The following STK3 variants were observed in gnomAD, a reference collection of about 807,000 sequenced individuals.
STK3 encodes the protein serine/threonine-protein kinase 3.
Under a neutral mutation model 58.0 loss-of-function variants are expected in STK3, and 41 were observed. The observed-to-expected ratio is 0.71, with a 90% CI of 0.55 to 0.92. The LOEUF (loss-of-function observed/expected upper bound fraction) is 0.92. Ranked by LOEUF, STK3 falls within the 40% of genes least tolerant of loss-of-function variation. The pLI is 0.00. For synonymous variants in STK3, 170 were observed against 191.0 expected (o/e 0.89, Z 0.91); for missense variants, 479 against 602.7 (o/e 0.79, Z 2.15).
At chr8:98,871,293 G>C (rs1050230834) in intron 3 of STK3, among the ~76,000 whole-genome samples, 2 of 152,148 alleles carry the variant, frequency 1.3e-5, no homozygotes, top group African/African-American at 4.8e-5. Context: ...CTCCAGCTTT[G>C]TTCTTTTTGC....
intron 4 of STK3, among the ~76,000 whole-genome samples, chr8:98,711,548 A>C (rs1826442065): frequency 6.6e-6 from 1 of 152,222 alleles, no homozygotes; most frequent in Admixed American, 6.5e-5. Flanking sequence ...TGGAAGATCA[A>C]ATGAATGAAA....
chr8:98,916,029 C>T (rs780451193), intron 1 of STK3, among the ~76,000 whole-genome samples: 3 of 151,742 alleles, frequency 2.0e-5, no homozygotes, highest in Non-Finnish European at 4.4e-5. Context: ...GTCTCAAATG[C>T]ATTTTTTTTT....
intron 1 of STK3, among the ~76,000 whole-genome samples, chr8:98,820,457 C>T (rs936639977): frequency 2.0e-5 from 3 of 152,180 alleles, no homozygotes; most frequent in Admixed American, 2.0e-4. Flanking sequence ...GAGGAACAAG[C>T]CTATCTGGTA....
intron 6 of STK3, among the ~76,000 whole-genome samples, chr8:98,667,701 T>G (rs1387671228): frequency 1.3e-5 from 2 of 152,150 alleles, no homozygotes; most frequent in East Asian, 3.8e-4. Context: ...GAGCCTATGC[T>G]GTTTTAAAAA....
At chr8:98,706,384 A>C (rs1477610955) in intron 6 of STK3, 83 bp downstream of exon 6, 2 of 1,326,622 alleles carry the variant, frequency 1.5e-6, no homozygotes, top group Non-Finnish European at 2.0e-6. Context: ...GAACTTATTT[A>C]GTTTATATTT....
At chr8:98,811,344 G>A (rs941218589) in intron 1 of STK3, among the ~76,000 whole-genome samples, 5 of 152,078 alleles carry the variant, frequency 3.3e-5, no homozygotes, top group African/African-American at 1.2e-4. Flanking sequence ...TGACCACACT[G>A]CTGGTAGCTG....
At chr8:98,356,657 C>T in the STK3 span, among the ~76,000 whole-genome samples, 2 of 152,182 alleles carry the variant, frequency 1.3e-5, no homozygotes, top group Non-Finnish European at 2.9e-5. Flanking sequence ...AAGAAGTTAT[C>T]TTCCCAAGAT....
chr8:98,694,547 T>G (rs544462253), intron 6 of STK3, among the ~76,000 whole-genome samples: 3 of 152,182 alleles, frequency 2.0e-5, no homozygotes, highest in Admixed American at 6.6e-5. Flanking sequence ...TCCCCTTCCT[T>G]TGTCCATATG....
chr8:98,588,575 T>G lies in STK3; in HGVS notation c.822+7457A>C, dbSNP rs574469079. On this transcript the variant is annotated intron_variant, in intron 7 of 10. Transcript: ENST00000419617. ...CTTTGGTGAATCTGACAATTATGTG[T>G]CTTGGAGTTGCTTTCTCGAGGAGTA... Among the ~76,000 whole-genome samples, 5 of 152,266 alleles carry G rather than the reference T, an allele frequency of 3.3e-5. No homozygotes were observed. The East Asian group carries it at 5.8e-4, about 18-fold the overall frequency.
chr8:98,688,479 A>C (rs1824169540), intron 6 of STK3, among the ~76,000 whole-genome samples: 1 of 152,188 alleles, frequency 6.6e-6, no homozygotes, highest in South Asian at 2.1e-4. Flanking sequence ...CATTCTTCTC[A>C]TATGTACATA....
chr8:98,740,627 C>G (rs1242377703), intron 4 of STK3, among the ~76,000 whole-genome samples: 1 of 152,134 alleles, frequency 6.6e-6, no homozygotes, highest in Non-Finnish European at 1.5e-5. Flanking sequence ...CCGGTACCAG[C>G]CACTGCAAAA....
chr8:98,738,982 C>T (rs1302607739), intron 4 of STK3, among the ~76,000 whole-genome samples: 2 of 152,230 alleles, frequency 1.3e-5, no homozygotes, highest in African/African-American at 2.4e-5. Context: ...AGGAGTCTCA[C>T]TGATTGCTAG....
intron 1 of STK3, among the ~76,000 whole-genome samples, chr8:98,796,954 A>G (rs893441340): frequency 6.6e-6 from 1 of 152,152 alleles, no homozygotes; most frequent in Admixed American, 6.5e-5. Context: ...CAGGCCTCGG[A>G]TTTCTGGACT....
At chr8:98,779,123 T>C (rs1342632091) in intron 1 of STK3, among the ~76,000 whole-genome samples, 1 of 152,030 alleles carries the variant, frequency 6.6e-6, no homozygotes, top group Non-Finnish European at 1.5e-5. Flanking sequence ...CTCAGCTGCT[T>C]CTGATGTTTC....
chr8:98,830,831 G>A lies in STK3; in HGVS notation c.110+52816C>T, dbSNP rs188024855. 8.7e-3 allele frequency among the ~76,000 whole-genome samples: 1,328 copies of A among 152,092 alleles called. 12 individuals carry two copies. The highest frequency in any genetic ancestry group is 0.03 in the African/African-American group (1,250 of 41,508). On this transcript the variant is annotated intron_variant, in intron 3 of 12. Coordinates refer to the STK3 transcript ENST00000523601. ...TAAAAATACAAAAAATTAGCCAGGC[G>A]TGGTGGTGGGCACCTGTACTCCCAG...
At chr8:98,655,246 A>G (rs1256732316) in intron 6 of STK3, among the ~76,000 whole-genome samples, 2 of 152,230 alleles carry the variant, frequency 1.3e-5, no homozygotes, top group South Asian at 2.1e-4. Context: ...AGGATCCCCT[A>G]TTTAATAAAC....
intron 1 of STK3, among the ~76,000 whole-genome samples, chr8:98,909,580 G>A (rs1238547297): frequency 6.6e-6 from 1 of 152,054 alleles, no homozygotes; most frequent in Non-Finnish European, 1.5e-5. Context: ...CCCTCTTCTG[G>A]ACTTTCATAC....
intron 2 of STK3, among the ~76,000 whole-genome samples, chr8:98,769,953 G>C (rs1438538790): frequency 1.3e-5 from 2 of 152,188 alleles, no homozygotes; most frequent in African/African-American, 4.8e-5. Flanking sequence ...AGTCTTACTG[G>C]AAGTTGAATT....
intron 6 of STK3, among the ~76,000 whole-genome samples, chr8:98,605,434 T>A (rs1040182003): frequency 2.5e-5 from 3 of 119,376 alleles, no homozygotes; most frequent in African/African-American, 6.0e-5. Context: ...CAAGCACACC[T>A]TTTTTTTTTT....
Sources: gnomAD v4.1 joint callset for allele counts (sites outside exome capture counted in the v4.1 genomes callset) on GRCh38, gnomAD v4.1.1 for gene constraint, MANE v1.5 for transcripts, NCBI Gene and HGNC (gene_info 2026-07-23, HGNC 2026-07-21) for gene names.